The following UBXN7 variants were observed in gnomAD, a reference collection of about 807,000 sequenced individuals.
UBXN7 encodes the protein UBX domain-containing protein 7.
A neutral mutation model predicts 58.0 loss-of-function variants in UBXN7; 9 were observed. That is an observed-to-expected ratio of 0.16 (90% CI 0.09 to 0.27). The LOEUF (loss-of-function observed/expected upper bound fraction) is 0.27, where lower values mean the gene tolerates loss of function less well. Among genes scored for constraint, UBXN7 ranks in the 10% least tolerant of loss-of-function variants. The pLI is 1.00. For missense variants in UBXN7, 328 were observed against 599.6 expected, an observed-to-expected ratio of 0.55 and a Z score of 4.73; for synonymous variants, 208 against 205.0, an observed-to-expected ratio of 1.01 and a Z score of -0.12.
chr3:196,363,634 A>G (rs991653446), intron 8 of UBXN7, among the ~76,000 whole-genome samples: 1 of 152,152 alleles, frequency 6.6e-6, no homozygotes, highest in African/African-American at 2.4e-5. Flanking sequence ...GTGAACACAC[A>G]AATGATAACA....
At chr3:196,384,954 A>C (rs909561659) in intron 5 of UBXN7, among the ~76,000 whole-genome samples, 3 of 151,968 alleles carry the variant, frequency 2.0e-5, no homozygotes, top group Admixed American at 2.0e-4. Flanking sequence ...TGGCCAGGGC[A>C]ATCAGGCAAG....
chr3:196,405,238 G>A (rs1039998846), intron 2 of UBXN7, among the ~76,000 whole-genome samples: 6 of 152,028 alleles, frequency 3.9e-5, no homozygotes, highest in African/African-American at 2.4e-5. Context: ...TTGGGAGGCC[G>A]AGGTAGGTGG....
rs1167241285 is a variant in UBXN7 at position 196,350,110 on chromosome 3, C to A, written c.*6575G>T. On this transcript the variant is annotated 3_prime_UTR_variant, in exon 11 of 11. Coordinates refer to ENST00000296328, the MANE Select transcript of UBXN7 (RefSeq NM_015562.2). ...AAATACTATCATTGGTATTTGCCAT[C>A]TCTAATCCTAGAAATAAATCTGGTT... is the stretch of plus-strand genomic sequence containing the variant. The A allele has an allele frequency of 1.3e-5, 2 of 152,250 alleles. No individual in the cohort carries two copies. The highest frequency in any genetic ancestry group is 4.1e-4 in the South Asian group (2 of 4,832). The allele number at this position is 152,250 out of a possible 1,614,324, so 9.4% of individuals were successfully genotyped here.
chr3:196,400,898 CT>C (rs1022381511), intron 3 of UBXN7, among the ~76,000 whole-genome samples: 4 of 152,070 alleles, frequency 2.6e-5, no homozygotes, highest in Admixed American at 1.3e-4. Flanking sequence ...GGGCATTACT[CT>C]TTTGCTCCAA....
At position 196,351,494 on chromosome 3, in the gene UBXN7, A is replaced by T. The variant is rs1728213114; in HGVS notation, c.*5191T>A. 6.8e-6 allele frequency: 1 copy of T among 147,418 alleles called. No homozygotes were observed. The highest frequency in any genetic ancestry group is 6.9e-5 in the Admixed American group (1 of 14,472). The allele number at this position is 147,418 out of a possible 1,614,324, so 9.1% of individuals were successfully genotyped here. A position where few individuals can be genotyped will look rare whatever the true frequency, so the allele number is the denominator to read the frequency against. On this transcript the variant is annotated 3_prime_UTR_variant, in exon 11 of 11. Coordinates refer to ENST00000296328, the MANE Select transcript of UBXN7 (RefSeq NM_015562.2). ...TACCTGAACACAGAATAAAAAAAAG[A>T]GAGAAAAAAAAAGTAAAGAAACTGA...
intron 1 of UBXN7, among the ~76,000 whole-genome samples, chr3:196,429,010 T>TA (rs11401303): frequency 0.45 from 56,834 of 126,108 alleles, 13,084 homozygotes; most frequent in East Asian, 0.88. Context: ...CTCCATCTCT[T>TA]AAAAAAAAAA....
intron 5 of UBXN7, among the ~76,000 whole-genome samples, chr3:196,384,091 G>C (rs1337824902): frequency 6.6e-6 from 1 of 152,090 alleles, no homozygotes; most frequent in African/African-American, 2.4e-5. Context: ...GAATCAAATA[G>C]ACGCAATAAA....
In UBXN7 at chr3:196,347,862, C is replaced by A. The variant is rs1053683327; in HGVS notation, c.*8823G>T. The A allele has an allele frequency of 6.6e-6, 1 of 150,684 alleles. No individual in the cohort carries two copies. The highest frequency in any genetic ancestry group is 6.6e-5 in the Admixed American group (1 of 15,068). 9.3% of individuals were successfully genotyped at this position (150,684 alleles called of 1,614,324 possible). ...CTCCCCCACCCCATTGTCCCCCCACCCTCCCCGTTTCAAGTTGCAGTATTA... is the reference window on the plus strand; with the variant it reads ...CTCCCCCACCCCATTGTCCCCCCACACTCCCCGTTTCAAGTTGCAGTATTA... On this transcript the variant is annotated 3_prime_UTR_variant, in exon 11 of 11. Transcript: ENST00000296328.
At chr3:196,432,230 C>A in intron 1 of UBXN7, 97 bp downstream of exon 1, 1 of 1,520,642 alleles carries the variant, frequency 6.6e-7, no homozygotes, top group Non-Finnish European at 9.0e-7. Flanking sequence ...TGGGTAAAGC[C>A]CGAAGGAGGA....
chr3:196,365,448 C>CT (rs1728638280), intron 8 of UBXN7, among the ~76,000 whole-genome samples: 1 of 152,086 alleles, frequency 6.6e-6, no homozygotes, highest in African/African-American at 2.4e-5. Flanking sequence ...TGCCCAAAGA[C>CT]TGGAGTGCAG....
At chr3:196,401,820 G>T (rs1190993238) in intron 3 of UBXN7, among the ~76,000 whole-genome samples, 1 of 127,646 alleles carries the variant, frequency 7.8e-6, no homozygotes, top group Non-Finnish European at 1.7e-5. Flanking sequence ...AAAGAAAAGA[G>T]AAGAGAGAAG....
At chr3:196,361,151 G>C (rs1728494937) in intron 10 of UBXN7, among the ~76,000 whole-genome samples, 1 of 152,182 alleles carries the variant, frequency 6.6e-6, no homozygotes, top group African/African-American at 2.4e-5. Context: ...ATGACTTTGA[G>C]GGGTTTAAGA....
At chr3:196,393,031 T>A (rs565410922) in intron 4 of UBXN7, among the ~76,000 whole-genome samples, 1 of 152,332 alleles carries the variant, frequency 6.6e-6, no homozygotes, top group Admixed American at 6.5e-5. Flanking sequence ...CTAACCTAAC[T>A]GTCCTTTCTT....
intron 1 of UBXN7, among the ~76,000 whole-genome samples, chr3:196,420,583 C>T (rs1224422677): frequency 1.3e-5 from 2 of 151,846 alleles, no homozygotes; most frequent in African/African-American, 2.4e-5. Context: ...TTTGAGGCTC[C>T]GATATTGTAG....
At chr3:196,401,922 G>C (rs952460119) in intron 3 of UBXN7, among the ~76,000 whole-genome samples, 1 of 150,072 alleles carries the variant, frequency 6.7e-6, no homozygotes, top group Admixed American at 6.7e-5. Context: ...CCAAACCCAC[G>C]CAACATGCAA....
chr3:196,417,723 T>TAAAAAAAAAAAAAAAAAAA (rs1730541556), intron 1 of UBXN7, among the ~76,000 whole-genome samples: 1 of 78,436 alleles, frequency 1.3e-5, no homozygotes, highest in Non-Finnish European at 2.4e-5. Context: ...GGCAAAATGG[T>TAAAAAAAAAAAAAAAAAAA]TAAAAAAAAA....
chr3:196,378,491 T>C (rs568234747), intron 5 of UBXN7, among the ~76,000 whole-genome samples: 127 of 152,368 alleles, frequency 8.3e-4, no homozygotes, highest in African/African-American at 2.9e-3. Context: ...GGCTATTCCA[T>C]AGGCAGAGCA....
chr3:196,369,172 T>C (rs1444891402), intron 7 of UBXN7, among the ~76,000 whole-genome samples: 7 of 152,116 alleles, frequency 4.6e-5, no homozygotes, highest in Admixed American at 4.6e-4. Flanking sequence ...GATGAACATA[T>C]CAGTTATTCT....
At chr3:196,409,471 G>A (rs1439890854) in intron 1 of UBXN7, among the ~76,000 whole-genome samples, 4 of 152,026 alleles carry the variant, frequency 2.6e-5, no homozygotes, top group Non-Finnish European at 4.4e-5. Context: ...GTGATGTCAT[G>A]TGCCTTGAAA....
Sources: gnomAD v4.1 joint callset for allele counts (sites outside exome capture counted in the v4.1 genomes callset) on GRCh38, gnomAD v4.1.1 for gene constraint, MANE v1.5 for transcripts, NCBI Gene and HGNC (gene_info 2026-07-23, HGNC 2026-07-21) for gene names.